The following CNTNAP2 variants were observed in gnomAD, a reference collection of about 807,000 sequenced individuals.
The protein encoded by CNTNAP2 is contactin associated protein 2.
Under a neutral mutation model 155.2 loss-of-function variants are expected in CNTNAP2, and 98 were observed. The ratio of observed to expected loss-of-function variants is 0.63; its 90% CI spans 0.54 to 0.75. The LOEUF is 0.75. CNTNAP2 is among the 30% of genes least tolerant of loss of function. The pLI is 0.00. For missense variants in CNTNAP2, 1,727 were observed against 1,688.1 expected, an observed-to-expected ratio of 1.02 and a Z score of -0.40; for synonymous variants, 651 against 631.2, an observed-to-expected ratio of 1.03 and a Z score of -0.47.
intron 3 of CNTNAP2, among the ~76,000 whole-genome samples, chr7:146,912,710 G>C (rs1380703282): frequency 1.3e-5 from 2 of 152,144 alleles, no homozygotes; most frequent in African/African-American, 4.8e-5. Context: ...TTTCTTAGAT[G>C]TCAAACATTA....
chr7:146,261,209 A>G (rs1799914640), intron 1 of CNTNAP2, among the ~76,000 whole-genome samples: 1 of 152,104 alleles, frequency 6.6e-6, no homozygotes, highest in Non-Finnish European at 1.5e-5. Flanking sequence ...TTGTTTGTAA[A>G]TTACCCAGTG....
intron 15 of CNTNAP2, among the ~76,000 whole-genome samples, chr7:147,995,663 G>A (rs1400416117): frequency 5.3e-5 from 8 of 151,690 alleles, no homozygotes; most frequent in South Asian, 2.1e-4. Flanking sequence ...ACAGGCGCCC[G>A]CCACCATGCC....
chr7:148,106,493 G>GATAGATAGATATAGATATATAT (rs1490418389), intron 15 of CNTNAP2, among the ~76,000 whole-genome samples: 1 of 124,926 alleles, frequency 8.0e-6, no homozygotes, highest in African/African-American at 3.5e-5. Context: ...CACACTTTGA[G>GATAGATAGATATAGATATATAT]ATATATATAT....
Position 146,817,698 on chromosome 7 carries a change from A to T in CNTNAP2, c.209-22013A>T, listed in dbSNP as rs1425311231. ...GCAGGGAGATGCTACTCACTTTTAA[A>T]CAACCAGATCTCGTGAGAACTCCCT... On this transcript the variant is annotated intron_variant, in intron 2 of 23. Transcript: ENST00000361727. Among the ~76,000 whole-genome samples, 26 of 151,952 alleles carry T rather than the reference A, an allele frequency of 1.7e-4. 1 individual carries two copies.
chr7:146,719,664 C>A (rs960979681), intron 1 of CNTNAP2, among the ~76,000 whole-genome samples: 1 of 151,786 alleles, frequency 6.6e-6, no homozygotes, highest in Non-Finnish European at 1.5e-5. Context: ...ATAATTTGTT[C>A]GTCCTTGAAT....
intron 9 of CNTNAP2, among the ~76,000 whole-genome samples, chr7:147,338,040 A>G (rs1475806289): frequency 6.6e-6 from 1 of 152,124 alleles, no homozygotes; most frequent in East Asian, 1.9e-4. Context: ...TGTGTTAGTT[A>G]GTTCTCACAT....
intron 14 of CNTNAP2, among the ~76,000 whole-genome samples, chr7:147,953,809 C>T (rs1375279625): frequency 6.6e-6 from 1 of 152,180 alleles, no homozygotes; most frequent in Non-Finnish European, 1.5e-5. Flanking sequence ...TCGCTCCAAC[C>T]TCAGCCTCTC....
At chr7:147,176,674 T>TTATATAATATATAATAGAATTA (rs1193552508) in intron 8 of CNTNAP2, among the ~76,000 whole-genome samples, 1 of 101,980 alleles carries the variant, frequency 9.8e-6, no homozygotes, top group African/African-American at 4.7e-5. Flanking sequence ...ATTCTGTATT[T>TTATATAATATATAATAGAATTA]TATATAATAT....
At chr7:147,014,004 C>G (rs1027614186) in intron 3 of CNTNAP2, among the ~76,000 whole-genome samples, 6 of 152,112 alleles carry the variant, frequency 3.9e-5, no homozygotes, top group African/African-American at 7.2e-5. Flanking sequence ...ATATTAGAAG[C>G]ACAGTGAGTT....
chr7:148,336,529 TC>T (rs1434096112), intron 21 of CNTNAP2, among the ~76,000 whole-genome samples: 2 of 136,804 alleles, frequency 1.5e-5, no homozygotes, highest in Non-Finnish European at 3.1e-5. Flanking sequence ...AACCTACACT[TC>T]CTGTTTGGTT....
intron 12 of CNTNAP2, among the ~76,000 whole-genome samples, chr7:147,598,260 A>G (rs1286802605): frequency 1.3e-5 from 2 of 150,872 alleles, no homozygotes; most frequent in African/African-American, 4.9e-5. Context: ...GGTTTGTTGT[A>G]CCTATCAACT....
At chr7:147,253,376 G>A (rs999290970) in intron 8 of CNTNAP2, among the ~76,000 whole-genome samples, 4 of 145,230 alleles carry the variant, frequency 2.8e-5, no homozygotes, top group African/African-American at 1.0e-4. Flanking sequence ...AGCTTAACAG[G>A]TTCTCTGTTT....
rs143735440 is a variant in CNTNAP2 at position 146,781,422 on chromosome 7, A to C, written c.208+7041A>C. Among the ~76,000 whole-genome samples the C allele has an allele frequency of 7.9e-3, 1,197 of 152,002 alleles. 46 individuals carry two copies. The highest frequency in any genetic ancestry group is 0.066 in the Admixed American group (1,002 of 15,270). ...ATTAACATAAAAAGACACAAAAGAC[A>C]CCACTGAAGTTCATAATTGCCACGA... is the stretch of plus-strand genomic sequence containing the variant. On this transcript the variant is annotated intron_variant, in intron 2 of 23. Coordinates refer to ENST00000361727, the MANE Select transcript of CNTNAP2 (RefSeq NM_014141.6).
chr7:146,198,341 A>C (rs964675359), intron 1 of CNTNAP2, among the ~76,000 whole-genome samples: 45 of 152,168 alleles, frequency 3.0e-4, no homozygotes, highest in African/African-American at 9.4e-4. Flanking sequence ...ATTTTTCCAA[A>C]GTTGTGTCAA....
At chr7:147,128,885 A>G (rs1164349357) in intron 7 of CNTNAP2, 49 bp downstream of exon 7, 10 of 1,611,842 alleles carry the variant, frequency 6.2e-6, no homozygotes, top group East Asian at 2.2e-5. Context: ...ATCAAGTAAC[A>G]TTTTTGTTTT....
chr7:147,408,499 G>A (rs983923283), intron 10 of CNTNAP2, among the ~76,000 whole-genome samples: 1 of 152,206 alleles, frequency 6.6e-6, no homozygotes, highest in African/African-American at 2.4e-5. Flanking sequence ...GGTGGCTCAC[G>A]CCTCTAATCC....
At chr7:147,533,958 G>C (rs970756491) in intron 11 of CNTNAP2, among the ~76,000 whole-genome samples, 5 of 152,174 alleles carry the variant, frequency 3.3e-5, no homozygotes, top group African/African-American at 1.2e-4. Context: ...CAGAGACTGA[G>C]AGAGCTTAAT....
chr7:147,584,342 A>G (rs770223081), intron 12 of CNTNAP2, among the ~76,000 whole-genome samples: 1 of 152,210 alleles, frequency 6.6e-6, no homozygotes, highest in Non-Finnish European at 1.5e-5. Context: ...GTATACATTT[A>G]TTAGACATTT....
chr7:147,120,402 T>C (rs1801080021), intron 5 of CNTNAP2, among the ~76,000 whole-genome samples: 1 of 152,110 alleles, frequency 6.6e-6, no homozygotes, highest in South Asian at 2.1e-4. Context: ...AAGCTAAAAG[T>C]GGAGCCAGCA....
Sources: gnomAD v4.1 joint callset for allele counts (sites outside exome capture counted in the v4.1 genomes callset) on GRCh38, gnomAD v4.1.1 for gene constraint, MANE v1.5 for transcripts, NCBI Gene and HGNC (gene_info 2026-07-23, HGNC 2026-07-21) for gene names.